The following SH3KBP1 variants were observed in gnomAD, a reference collection of about 807,000 sequenced individuals.
SH3KBP1 encodes the protein SH3 domain containing kinase binding protein 1.
A neutral mutation model predicts 50.1 loss-of-function variants in SH3KBP1; 8 were observed. The ratio of observed to expected loss-of-function variants is 0.16; its 90% CI spans 0.09 to 0.29. The LOEUF (loss-of-function observed/expected upper bound fraction) is 0.29, where lower values mean the gene tolerates loss of function less well. Ranked by LOEUF, SH3KBP1 falls within the 10% of genes least tolerant of loss-of-function variation. The probability of loss-of-function intolerance (pLI) is 1.00; values close to 1 mark genes in which losing one functional copy is unlikely to be tolerated. For missense variants in SH3KBP1, 377 were observed against 535.2 expected (o/e 0.70, Z 2.92); for synonymous variants, 227 against 218.6 (o/e 1.04, Z -0.34).
chrX:19,728,786 T>C (rs2064294390), intron 3 of SH3KBP1, among the ~76,000 whole-genome samples: 1 of 111,902 alleles, frequency 8.9e-6, no homozygotes, highest in African/African-American at 3.3e-5. Flanking sequence ...TAAAATGCTT[T>C]GAGGACTCTA....
At chrX:19,845,771 C>T (rs1243433200) in intron 1 of SH3KBP1, among the ~76,000 whole-genome samples, 1 of 108,964 alleles carries the variant, frequency 9.2e-6, no homozygotes, top group Non-Finnish European at 1.9e-5. Context: ...CCACCATGCC[C>T]AGCTAATTTT....
At chrX:19,568,627 T>A (rs756246932) in intron 13 of SH3KBP1, among the ~76,000 whole-genome samples, 1 of 111,770 alleles carries the variant, frequency 8.9e-6, no homozygotes, top group African/African-American at 3.3e-5. Context: ...CCCTCCCATT[T>A]ATCACATGGT....
chrX:19,672,280 T>A (rs761993483), intron 6 of SH3KBP1, among the ~76,000 whole-genome samples: 26 of 111,744 alleles, frequency 2.3e-4, no homozygotes, highest in Non-Finnish European at 3.4e-4. Flanking sequence ...GGATTCCAAA[T>A]CATTTCTTTA....
chrX:19,758,171 C>CA (rs1443631889), intron 2 of SH3KBP1, among the ~76,000 whole-genome samples: 22 of 108,676 alleles, frequency 2.0e-4, no homozygotes, highest in Non-Finnish European at 2.7e-4. Flanking sequence ...ACTAAAAATA[C>CA]AAAAAAAGTA....
chrX:19,836,244 C>T lies in SH3KBP1; in HGVS notation c.43G>A (p.Asp15Asn), dbSNP rs766932945. ...CCCACGCTGATCGTCAGCTCATCAT[C>T]GTGCTGGGCCTGGTAGTCAAACTCC... ...IVEFDYQAQH[D>N]DELTISVGEI... Residue 15 changes from aspartate to asparagine, a missense_variant, in exon 2 of 18, where the codon GAT becomes AAT. Transcript: ENST00000397821. 4.1e-6 allele frequency: 5 copies of T among 1,208,668 alleles called. No individual in the cohort carries two copies. Among genetic ancestry groups the T allele is most frequent in the East Asian group, 3.0e-5 (1 of 33,787 alleles).
chrX:19,649,385 A>G (rs1457018437), intron 6 of SH3KBP1, among the ~76,000 whole-genome samples: 3 of 111,140 alleles, frequency 2.7e-5, no homozygotes, highest in Non-Finnish European at 5.7e-5. Context: ...GCAGCTGAAG[A>G]CTTCCCAGTA....
At chrX:19,680,602 G>A (rs755579633) in intron 6 of SH3KBP1, among the ~76,000 whole-genome samples, 1 of 111,146 alleles carries the variant, frequency 9.0e-6, no homozygotes, top group South Asian at 3.8e-4. Context: ...TGAAAACAGT[G>A]AGCTCAATTC....
chrX:19,734,691 C>T (rs1245162670), intron 3 of SH3KBP1, among the ~76,000 whole-genome samples: 1 of 112,040 alleles, frequency 8.9e-6, no homozygotes, highest in Non-Finnish European at 1.9e-5. Flanking sequence ...ACTTTCCATT[C>T]CCACCTTCAG....
chrX:19,649,749 C>T (rs1343967328), intron 6 of SH3KBP1, among the ~76,000 whole-genome samples: 1 of 111,609 alleles, frequency 9.0e-6, no homozygotes. Context: ...GACAGATAAC[C>T]ACCATATGAT....
intron 1 of SH3KBP1, among the ~76,000 whole-genome samples, chrX:19,879,453 A>G (rs929660149): frequency 9.0e-6 from 1 of 111,220 alleles, no homozygotes; most frequent in African/African-American, 3.3e-5. Context: ...GTCATGGGCC[A>G]TGACTGCCAA....
chrX:19,698,811 C>T (rs1041949014), intron 4 of SH3KBP1, among the ~76,000 whole-genome samples: 5 of 112,088 alleles, frequency 4.5e-5, no homozygotes, highest in Non-Finnish European at 9.4e-5. Context: ...GACGAGGACA[C>T]GGACACTGCC....
chrX:19,552,498 G>A (rs961324351), intron 13 of SH3KBP1, among the ~76,000 whole-genome samples: 4 of 110,290 alleles, frequency 3.6e-5, no homozygotes, highest in Admixed American at 1.9e-4. Context: ...GGAAGAGGGG[G>A]CTGTTAAAGT....
chrX:19,572,439 T>C (rs1386233453), intron 12 of SH3KBP1, among the ~76,000 whole-genome samples: 2 of 107,269 alleles, frequency 1.9e-5, no homozygotes, highest in East Asian at 2.8e-4. Flanking sequence ...ATATATGTTA[T>C]ATAGTACATG....
chrX:19,822,197 A>G (rs935259450), intron 2 of SH3KBP1, among the ~76,000 whole-genome samples: 2 of 112,299 alleles, frequency 1.8e-5, no homozygotes, highest in Non-Finnish European at 3.8e-5. Context: ...TGAATTCTGA[A>G]GATTTATGCT....
At chrX:19,611,179 C>G (rs1414316205) in intron 8 of SH3KBP1, among the ~76,000 whole-genome samples, 1 of 111,466 alleles carries the variant, frequency 9.0e-6, no homozygotes, top group East Asian at 2.8e-4. Context: ...AGCTACCACA[C>G]CTGGGCTCAA....
chrX:19,757,717 A>C (rs2065254377), intron 2 of SH3KBP1, among the ~76,000 whole-genome samples: 1 of 111,134 alleles, frequency 9.0e-6, no homozygotes. Flanking sequence ...AGAGAAAGGC[A>C]TAGCACCTGT....
chrX:19,590,102 C>G (rs2066698745), intron 11 of SH3KBP1, among the ~76,000 whole-genome samples: 1 of 111,089 alleles, frequency 9.0e-6, no homozygotes, highest in Non-Finnish European at 1.9e-5. Context: ...GAGCAAGACC[C>G]TGTCTCTAAA....
At chrX:19,562,141 G>C (rs746595999) in intron 13 of SH3KBP1, among the ~76,000 whole-genome samples, 3 of 111,466 alleles carry the variant, frequency 2.7e-5, no homozygotes, top group Non-Finnish European at 5.7e-5. Flanking sequence ...GGCTAAATAA[G>C]GATTTTGATA....
intron 2 of SH3KBP1, among the ~76,000 whole-genome samples, chrX:19,751,820 C>T (rs1360933442): frequency 2.7e-5 from 3 of 112,133 alleles, no homozygotes; most frequent in Admixed American, 9.4e-5. Flanking sequence ...CAAAAATTCA[C>T]GACACATTCA....
Sources: allele counts gnomAD v4.1 joint callset (sites outside exome capture counted in the v4.1 genomes callset), GRCh38; gene constraint gnomAD v4.1.1; transcripts MANE v1.5; gene names NCBI Gene and HGNC (gene_info 2026-07-23, HGNC 2026-07-21).